Variants in SOX6 observed in about 807,000 individuals in gnomAD.
The protein encoded by SOX6 is SRY-box transcription factor 6.
A neutral mutation model predicts 97.8 loss-of-function variants in SOX6; 11 were observed. The ratio of observed to expected loss-of-function variants is 0.11; its 90% CI spans 0.07 to 0.19. SOX6 has a LOEUF of 0.19. Ranked by LOEUF, SOX6 falls within the 10% of genes least tolerant of loss-of-function variation. The probability of loss-of-function intolerance (pLI) is 1.00; values close to 1 mark genes in which losing one functional copy is unlikely to be tolerated. For missense variants in SOX6, 810 were observed against 1,039.5 expected (o/e 0.78, Z 3.04); for synonymous variants, 360 against 371.4 (o/e 0.97, Z 0.35).
intron 4 of SOX6, among the ~76,000 whole-genome samples, chr11:16,504,714 A>C (rs1030441898): frequency 6.6e-6 from 1 of 151,984 alleles, no homozygotes; most frequent in African/African-American, 2.4e-5. Flanking sequence ...CTAATCCCCA[A>C]TGTTGGAGAA....
intron 1 of SOX6, among the ~76,000 whole-genome samples, chr11:16,364,149 A>G (rs1388289910): frequency 6.6e-6 from 1 of 152,122 alleles, no homozygotes; most frequent in African/African-American, 2.4e-5. Context: ...AAATTTCTCT[A>G]TTCCAGTTGG....
chr11:16,679,109 T>C (rs1847906645), intron 3 of SOX6, among the ~76,000 whole-genome samples: 1 of 152,170 alleles, frequency 6.6e-6, no homozygotes, highest in Non-Finnish European at 1.5e-5. Flanking sequence ...AGAGCAGTGG[T>C]TCTCCCAGCG....
chr11:16,446,349 C>G (rs1468161862), intron 1 of SOX6, among the ~76,000 whole-genome samples: 1 of 151,916 alleles, frequency 6.6e-6, no homozygotes, highest in Non-Finnish European at 1.5e-5. Flanking sequence ...AGAAATGTGG[C>G]AGGGTTTGGA....
At chr11:16,108,671 A>G (rs1041618301) in intron 7 of SOX6, among the ~76,000 whole-genome samples, 1 of 152,208 alleles carries the variant, frequency 6.6e-6, no homozygotes, top group African/African-American at 2.4e-5. Flanking sequence ...AACTCAATAA[A>G]GCTATTTCTA....
At chr11:16,412,171 A>G (rs558012030) in intron 1 of SOX6, among the ~76,000 whole-genome samples, 1 of 152,354 alleles carries the variant, frequency 6.6e-6, no homozygotes, top group African/African-American at 2.4e-5. Flanking sequence ...ATCTATTTAT[A>G]TCATCTCATT....
intron 2 of SOX6, among the ~76,000 whole-genome samples, chr11:16,715,293 T>C (rs1006346090): frequency 6.6e-6 from 1 of 152,252 alleles, no homozygotes; most frequent in Non-Finnish European, 1.5e-5. Context: ...TTTTGATATG[T>C]TGGGTTACAT....
At chr11:16,295,633 T>C (rs905346451) in intron 3 of SOX6, among the ~76,000 whole-genome samples, 1 of 152,100 alleles carries the variant, frequency 6.6e-6, no homozygotes, top group African/African-American at 2.4e-5. Flanking sequence ...TTTCCTACCA[T>C]CTAACCTTGC....
In SOX6 at chr11:16,619,755, C is replaced by T. The variant is rs570267282; in HGVS notation, n.430-7495G>A. ...TGAATATACTAACACATTTACATTT[C>T]AAAACTAAAATTTCATTTAACATGA... is the stretch of plus-strand genomic sequence containing the variant. On this transcript the variant is annotated intron_variant and non_coding_transcript_variant, in intron 3 of 5. Transcript: ENST00000524520. Among the ~76,000 whole-genome samples, 6 of 152,054 alleles carry T rather than the reference C, an allele frequency of 3.9e-5. No individual in the cohort carries two copies. The East Asian group carries it at 1.2e-3, about 29-fold the overall frequency.
chr11:16,605,604 G>T lies in SOX6; in HGVS notation n.609+6477C>A, dbSNP rs924558732. On this transcript the variant is annotated intron_variant and non_coding_transcript_variant, in intron 4 of 5. Coordinates refer to the SOX6 transcript ENST00000524520. This position sits in a 1 kb window ranked among gnomAD's most constrained non-coding sequence, Gnocchi z 5.3. ...AGCGCAAGCGTTTTCTAGCGACCCG[G>T]GTTTTCTTCATGAACTCCTCCGAGT... Among the ~76,000 whole-genome samples, 1 of 152,048 alleles carries T rather than the reference G, an allele frequency of 6.6e-6. No individual in the cohort carries two copies. Among genetic ancestry groups the T allele is most frequent in the South Asian group, 2.1e-4 (1 of 4,824 alleles).
intron 3 of SOX6, chr11:16,284,000 C>G: frequency 3.2e-6 from 1 of 315,634 alleles, no homozygotes; most frequent in Non-Finnish European, 6.1e-6. Context: ...TGTGTTTACA[C>G]TATTAATAAT....
chr11:15,995,177 C>T (rs893537101), intron 13 of SOX6, among the ~76,000 whole-genome samples: 3 of 152,114 alleles, frequency 2.0e-5, no homozygotes, highest in African/African-American at 7.2e-5. Context: ...AAAGAGATTT[C>T]AGCTGATGCC....
intron 6 of SOX6, among the ~76,000 whole-genome samples, chr11:16,119,231 A>G (rs1235017774): frequency 2.0e-5 from 3 of 152,200 alleles, no homozygotes; most frequent in African/African-American, 7.2e-5. Flanking sequence ...TTATTGCCAA[A>G]AAGTGCATGG....
intron 4 of SOX6, among the ~76,000 whole-genome samples, chr11:16,218,708 G>T (rs184978874): frequency 2.6e-5 from 4 of 152,058 alleles, no homozygotes; most frequent in African/African-American, 9.6e-5. Context: ...CTCTTTCATG[G>T]AGAGATATTT....
chr11:16,132,624 G>A (rs1305972724), intron 6 of SOX6, among the ~76,000 whole-genome samples: 3 of 151,266 alleles, frequency 2.0e-5, no homozygotes, highest in Non-Finnish European at 2.9e-5. Flanking sequence ...CTACTTTAGC[G>A]TTAAACAGAA....
intron 1 of SOX6, among the ~76,000 whole-genome samples, chr11:16,368,509 A>T (rs566314441): frequency 5.3e-5 from 8 of 152,308 alleles, no homozygotes; most frequent in Middle Eastern, 3.4e-3. Context: ...TAAAAGAATT[A>T]AAAAATGTCT....
chr11:16,108,233 T>A (rs527307813), intron 7 of SOX6, among the ~76,000 whole-genome samples: 2 of 152,186 alleles, frequency 1.3e-5, no homozygotes, highest in African/African-American at 4.8e-5. Flanking sequence ...ATATCATAAC[T>A]AGTGAGTAAA....
At chr11:16,339,008 G>T (rs1333639843) in intron 2 of SOX6, among the ~76,000 whole-genome samples, 1 of 151,980 alleles carries the variant, frequency 6.6e-6, no homozygotes, top group Non-Finnish European at 1.5e-5. Flanking sequence ...TTCCAGTCCA[G>T]TTATTTTTAT....
intron 11 of SOX6, among the ~76,000 whole-genome samples, chr11:16,049,552 T>A (rs1267371319): frequency 6.6e-6 from 1 of 152,122 alleles, no homozygotes; most frequent in Non-Finnish European, 1.5e-5. Flanking sequence ...AAAGAATCCA[T>A]CCCAGCAGGA....
chr11:16,029,561 G>A (rs1855306614), intron 12 of SOX6, among the ~76,000 whole-genome samples: 1 of 152,028 alleles, frequency 6.6e-6, no homozygotes, highest in Non-Finnish European at 1.5e-5. Flanking sequence ...ACCTGAACCT[G>A]GAAGGCGGAG....
Sources: allele counts gnomAD v4.1 joint callset (sites outside exome capture counted in the v4.1 genomes callset), GRCh38; gene constraint gnomAD v4.1.1; non-coding constraint Gnocchi (gnomAD v3.1); transcripts MANE v1.5; gene names NCBI Gene and HGNC (gene_info 2026-07-23, HGNC 2026-07-21).